The following INSC variants were observed in gnomAD, a reference collection of about 807,000 sequenced individuals.
INSC encodes INSC spindle orientation adaptor protein.
INSC carries 67 observed loss-of-function variants against 58.6 expected under a neutral mutation model. The observed-to-expected ratio is 1.14, with a 90% CI of 0.94 to 1.40. The LOEUF is 1.40. Ranked by LOEUF, INSC falls within the 40% of genes most tolerant of loss-of-function variation. The pLI, the probability that INSC is intolerant of heterozygous loss-of-function variation, is 0.00. For missense variants in INSC, 714 were observed against 692.0 expected, an observed-to-expected ratio of 1.03 and a Z score of -0.36; for synonymous variants, 262 against 276.1, an observed-to-expected ratio of 0.95 and a Z score of 0.51.
chr11:15,191,566 A>T (rs1850179129), intron 6 of INSC, among the ~76,000 whole-genome samples: 1 of 152,150 alleles, frequency 6.6e-6, no homozygotes, highest in Admixed American at 6.5e-5. Flanking sequence ...AAGACATGGG[A>T]TGTCTCAAAC....
intron 9 of INSC, among the ~76,000 whole-genome samples, chr11:15,226,962 C>T (rs759061044): frequency 2.6e-5 from 4 of 152,176 alleles, no homozygotes; most frequent in Non-Finnish European, 4.4e-5. Flanking sequence ...TCCTCAGAAT[C>T]GCCTGTGAAA....
chr11:15,222,343 C>T (rs1851476939), intron 8 of INSC, among the ~76,000 whole-genome samples: 1 of 152,164 alleles, frequency 6.6e-6, no homozygotes, highest in African/African-American at 2.4e-5. Flanking sequence ...ATCTGTGTTT[C>T]TATTTCTCTG....
intron 2 of INSC, among the ~76,000 whole-genome samples, chr11:15,169,356 G>C (rs571744512): frequency 6.6e-6 from 1 of 152,294 alleles, no homozygotes; most frequent in Non-Finnish European, 1.5e-5. Flanking sequence ...AGCCTGACTG[G>C]TGACCGCTTT....
intron 12 of INSC, chr11:15,241,431 G>A (rs1852350785): frequency 1.9e-6 from 1 of 540,202 alleles, no homozygotes; most frequent in Non-Finnish European, 3.3e-6. Context: ...TAGAAACAGT[G>A]GGGCATTGCA....
intron 9 of INSC, among the ~76,000 whole-genome samples, chr11:15,230,647 G>A (rs185750566): frequency 6.6e-6 from 1 of 152,304 alleles, no homozygotes; most frequent in African/African-American, 2.4e-5. Context: ...GTCCTGACCT[G>A]CTCCAGAAAC....
At chr11:15,123,283 T>C in intron 1 of INSC, among the ~76,000 whole-genome samples, 1 of 152,388 alleles carries the variant, frequency 6.6e-6, no homozygotes, top group Non-Finnish European at 1.5e-5. Context: ...CATTTATTTA[T>C]GTAATCATTA....
chr11:15,149,182 C>T lies in INSC; in HGVS notation c.8C>T (p.Ala3Val). 1.2e-6 allele frequency: 2 copies of T among 1,611,204 alleles called. No individual in the cohort carries two copies. The highest frequency in any genetic ancestry group is 1.1e-5 in the South Asian group (1 of 90,702). Residue 3 changes from alanine (A) to valine (V), a missense_variant, in exon 2 of 13, where the codon GCA becomes GTA. Transcript: ENST00000379556. ...CTGCAGATTGGGATCAACATGATGG[C>T]ACTGCCTGGAGGTCGCCACCTGGAC... Reference protein sequence around the residue: MMALPGGRHLDSV... With the variant: MMVLPGGRHLDSV...
intron 9 of INSC, among the ~76,000 whole-genome samples, chr11:15,234,903 G>T (rs1590006566): frequency 6.6e-6 from 1 of 152,106 alleles, no homozygotes; most frequent in East Asian, 1.9e-4. Context: ...ACCAGGGGAG[G>T]CTGGTTACAA....
chr11:15,268,286 A>G, the INSC span, among the ~76,000 whole-genome samples: 113,845 of 151,910 alleles, frequency 0.75, 42,859 homozygotes, highest in Middle Eastern at 0.84. Context: ...TTGCCCTTCT[A>G]TTAATTACAA....
At chr11:15,252,914 G>T in the INSC span, among the ~76,000 whole-genome samples, 2 of 152,072 alleles carry the variant, frequency 1.3e-5, no homozygotes, top group African/African-American at 4.8e-5. Context: ...AGTCTAATGT[G>T]TCAATATCTC....
At chr11:15,172,356 T>C (rs1849429107) in intron 2 of INSC, among the ~76,000 whole-genome samples, 1 of 152,202 alleles carries the variant, frequency 6.6e-6, no homozygotes, top group African/African-American at 2.4e-5. Flanking sequence ...ATGAAGTCTC[T>C]GCATAGGTAC....
chr11:15,220,896 T>G (rs1204290905), intron 7 of INSC, among the ~76,000 whole-genome samples: 1 of 152,102 alleles, frequency 6.6e-6, no homozygotes, highest in Non-Finnish European at 1.5e-5. Flanking sequence ...ATTTCTATAG[T>G]GGAGAATGGT....
intron 2 of INSC, among the ~76,000 whole-genome samples, chr11:15,160,245 C>T (rs1792555): frequency 0.98 from 149,634 of 152,266 alleles, 73,588 homozygotes; most frequent in East Asian, 1. Flanking sequence ...GAAGAGAGAT[C>T]AAGGTCAAGA....
intron 5 of INSC, among the ~76,000 whole-genome samples, chr11:15,189,446 A>G (rs1459319908): frequency 6.6e-6 from 1 of 151,710 alleles, no homozygotes. Flanking sequence ...TGCCCAGGCT[A>G]TTTCTTGGAC....
intron 10 of INSC, among the ~76,000 whole-genome samples, chr11:15,236,890 G>A (rs969278107): frequency 4.6e-5 from 7 of 152,182 alleles, no homozygotes. Context: ...TTAATTTTAT[G>A]TGATTGAGCT....
chr11:15,246,055 G>C lies in INSC; in HGVS notation c.*15G>C. ...GTTTTGTGTAGTGAGTGTGGGCGAAGAAATACATTTGGCTGTTCTCACACC... is the reference window on the plus strand; with the variant it reads ...GTTTTGTGTAGTGAGTGTGGGCGAACAAATACATTTGGCTGTTCTCACACC... On this transcript the variant is annotated 3_prime_UTR_variant, in exon 13 of 13. Transcript: ENST00000379556. The C allele has an allele frequency of 6.2e-7, 1 of 1,613,940 alleles. No homozygotes were observed. The highest frequency in any genetic ancestry group is 1.1e-5 in the South Asian group (1 of 91,058).
At chr11:15,257,292 G>T in the INSC span, among the ~76,000 whole-genome samples, 1 of 152,056 alleles carries the variant, frequency 6.6e-6, no homozygotes, top group African/African-American at 2.4e-5. Flanking sequence ...GAAGAGATTG[G>T]TAGTGGTAAA....
chr11:15,246,042 G>C lies in INSC; in HGVS notation c.*2G>C. The C allele has an allele frequency of 6.2e-7, 1 of 1,614,020 alleles. No individual in the cohort carries two copies. On this transcript the variant is annotated 3_prime_UTR_variant, in exon 13 of 13. Transcript: ENST00000379556. ...AACATGGAGGAGAGTTTTGTGTAGT[G>C]AGTGTGGGCGAAGAAATACATTTGG...
chr11:15,182,048 C>A (rs978212385), intron 5 of INSC, among the ~76,000 whole-genome samples: 1 of 152,094 alleles, frequency 6.6e-6, no homozygotes, highest in South Asian at 2.1e-4. Flanking sequence ...CAGGCTGTCT[C>A]TTCAATAATG....
Sources: allele counts gnomAD v4.1 joint callset (sites outside exome capture counted in the v4.1 genomes callset), GRCh38; gene constraint gnomAD v4.1.1; transcripts MANE v1.5; gene names NCBI Gene and HGNC (gene_info 2026-07-23, HGNC 2026-07-21).